The following ADK variants were observed in gnomAD, a reference collection of about 807,000 sequenced individuals.
The protein encoded by ADK is N6,N6-dimethyladenosine kinase.
In ADK, 24 loss-of-function variants were observed where a neutral mutation model predicts 44.7. That is an observed-to-expected ratio of 0.54 (90% CI 0.39 to 0.76). The LOEUF is 0.76. ADK is among the 30% of genes least tolerant of loss of function. The probability of loss-of-function intolerance (pLI) is 0.00; values close to 1 mark genes in which losing one functional copy is unlikely to be tolerated. For synonymous variants in ADK, 128 were observed against 142.6 expected, an observed-to-expected ratio of 0.90 and a Z score of 0.73; for missense variants, 321 against 425.1, an observed-to-expected ratio of 0.76 and a Z score of 2.15.
chr10:74,199,785 T>C (rs187915235), intron 1 of ADK, among the ~76,000 whole-genome samples: 1 of 152,282 alleles, frequency 6.6e-6, no homozygotes, highest in Admixed American at 6.5e-5. Flanking sequence ...GTTCAAGTGA[T>C]TCTCCTGCAT....
intron 3 of ADK, among the ~76,000 whole-genome samples, chr10:74,230,755 C>T (rs1844730004): frequency 6.6e-6 from 1 of 151,468 alleles, no homozygotes; most frequent in South Asian, 2.1e-4. Context: ...GATCTTGGCT[C>T]ACTGCAATCT....
At chr10:74,352,894 C>T (rs1269501701) in intron 4 of ADK, among the ~76,000 whole-genome samples, 5 of 152,120 alleles carry the variant, frequency 3.3e-5, no homozygotes, top group African/African-American at 1.2e-4. Flanking sequence ...GAATGGCGAT[C>T]ATTAAAAAGT....
chr10:74,184,106 CG>C (rs2132092954), intron 1 of ADK, among the ~76,000 whole-genome samples: 1 of 151,966 alleles, frequency 6.6e-6, no homozygotes, highest in East Asian at 2.0e-4. Context: ...TTAGTAGAGA[CG>C]GGGTTTCACA....
At chr10:74,222,935 A>G (rs1012806840) in intron 2 of ADK, among the ~76,000 whole-genome samples, 1 of 152,070 alleles carries the variant, frequency 6.6e-6, no homozygotes, top group Non-Finnish European at 1.5e-5. Context: ...TGGGTGCAGC[A>G]CACCAGCATG....
chr10:74,303,704 A>G (rs547032031), intron 3 of ADK, among the ~76,000 whole-genome samples: 1 of 148,780 alleles, frequency 6.7e-6, no homozygotes, highest in African/African-American at 2.5e-5. Context: ...GCAGTGGCTA[A>G]CGCCTGTAAT....
chr10:74,304,354 C>T (rs760214669), intron 3 of ADK, among the ~76,000 whole-genome samples: 1 of 151,806 alleles, frequency 6.6e-6, no homozygotes, highest in African/African-American at 2.4e-5. Context: ...GTGCTTACTA[C>T]GTTCAAGGTA....
chr10:74,569,533 A>G (rs1466467192), intron 7 of ADK, among the ~76,000 whole-genome samples: 2 of 152,190 alleles, frequency 1.3e-5, no homozygotes, highest in African/African-American at 4.8e-5. Flanking sequence ...GCCAATGATG[A>G]TGAGCATTTT....
At chr10:74,649,886 G>A (rs937366667) in intron 9 of ADK, among the ~76,000 whole-genome samples, 2 of 152,104 alleles carry the variant, frequency 1.3e-5, no homozygotes, top group African/African-American at 2.4e-5. Flanking sequence ...CTTTCCTGAA[G>A]GTCTAAAAGA....
chr10:74,171,931 C>T (rs1842171622), intron 1 of ADK, among the ~76,000 whole-genome samples: 1 of 151,776 alleles, frequency 6.6e-6, no homozygotes, highest in Non-Finnish European at 1.5e-5. Context: ...GAACTTCTGC[C>T]TTTACCTGGG....
chr10:74,152,783 A>G (rs1414630407), intron 1 of ADK, among the ~76,000 whole-genome samples: 1 of 152,222 alleles, frequency 6.6e-6, no homozygotes, highest in African/African-American at 2.4e-5. Flanking sequence ...AGAAATAGGA[A>G]CTAGCTGAGC....
chr10:74,621,553 G>A (rs1052780229), intron 9 of ADK, among the ~76,000 whole-genome samples: 2 of 151,840 alleles, frequency 1.3e-5, no homozygotes, highest in African/African-American at 4.8e-5. Context: ...TACCATTTAG[G>A]GTCTTTTCTG....
intron 7 of ADK, among the ~76,000 whole-genome samples, chr10:74,578,655 G>A (rs879471769): frequency 2.0e-5 from 3 of 151,994 alleles, no homozygotes; most frequent in Non-Finnish European, 2.9e-5. Context: ...TATACATTAT[G>A]GTAGAGCCCT....
intron 9 of ADK, among the ~76,000 whole-genome samples, chr10:74,641,254 A>G (rs1332871648): frequency 1.3e-5 from 2 of 152,198 alleles, no homozygotes; most frequent in South Asian, 2.1e-4. Context: ...ATAATGGCCC[A>G]TGCCTAAAAT....
At chr10:74,610,417 C>G (rs1852495872) in intron 9 of ADK, among the ~76,000 whole-genome samples, 1 of 151,834 alleles carries the variant, frequency 6.6e-6, no homozygotes, top group African/African-American at 2.4e-5. Context: ...TGGGGGAGGG[C>G]TGAATGGAAA....
intron 7 of ADK, among the ~76,000 whole-genome samples, chr10:74,532,606 A>G (rs1589224492): frequency 1.3e-5 from 2 of 152,244 alleles, no homozygotes; most frequent in South Asian, 4.1e-4. Flanking sequence ...ATCTTCAAAA[A>G]GCTATTAGAA....
intron 7 of ADK, among the ~76,000 whole-genome samples, chr10:74,570,314 G>C (rs1277829450): frequency 1.3e-5 from 2 of 152,314 alleles, no homozygotes; most frequent in East Asian, 3.9e-4. Flanking sequence ...TGTGAAGAAA[G>C]TCATTGGCAG....
chr10:74,442,349 A>G (rs1227150005), intron 6 of ADK, among the ~76,000 whole-genome samples: 2 of 152,220 alleles, frequency 1.3e-5, no homozygotes, highest in Non-Finnish European at 2.9e-5. Context: ...TTTGGATATA[A>G]ATCTAAAGGA....
intron 3 of ADK, among the ~76,000 whole-genome samples, chr10:74,283,684 C>CTTT (rs774619771): frequency 6.3e-5 from 6 of 95,580 alleles, no homozygotes; most frequent in South Asian, 3.4e-4. Flanking sequence ...TTCTTTCTTT[C>CTTT]TTTTTTTTTT....
At chr10:74,426,319 T>C (rs1844796460) in intron 6 of ADK, among the ~76,000 whole-genome samples, 1 of 152,214 alleles carries the variant, frequency 6.6e-6, no homozygotes, top group African/African-American at 2.4e-5. Flanking sequence ...AGGTTATTCA[T>C]GCAGCATTAT....
Sources: gnomAD v4.1 joint callset for allele counts (sites outside exome capture counted in the v4.1 genomes callset) on GRCh38, gnomAD v4.1.1 for gene constraint, MANE v1.5 for transcripts, NCBI Gene and HGNC (gene_info 2026-07-23, HGNC 2026-07-21) for gene names.